Variants in PREP observed in about 807,000 individuals in gnomAD.
PREP encodes dJ355L5.1 (prolyl endopeptidase).
PREP carries 29 observed loss-of-function variants against 87.6 expected under a neutral mutation model. That is an observed-to-expected ratio of 0.33 (90% confidence interval 0.25 to 0.45). The LOEUF (loss-of-function observed/expected upper bound fraction) is 0.45, where lower values mean the gene tolerates loss of function less well. PREP is among the 20% of genes least tolerant of loss of function. The pLI, the probability that PREP is intolerant of heterozygous loss-of-function variation, is 1.00. For missense variants in PREP, 695 were observed against 886.5 expected (o/e 0.78, Z 2.74); for synonymous variants, 337 against 328.6 (o/e 1.03, Z -0.28).
intron 9 of PREP, among the ~76,000 whole-genome samples, chr6:105,324,879 G>A (rs1209039214): frequency 6.6e-6 from 1 of 152,200 alleles, no homozygotes; most frequent in Non-Finnish European, 1.5e-5. Context: ...CAATTCTCAT[G>A]ATTGCAGACA....
chr6:105,377,777 T>C (rs536004498), intron 2 of PREP, among the ~76,000 whole-genome samples: 2 of 152,298 alleles, frequency 1.3e-5, no homozygotes, highest in Admixed American at 6.5e-5. Flanking sequence ...TATTAACTTA[T>C]TTAGAACTCA....
intron 2 of PREP, among the ~76,000 whole-genome samples, chr6:105,394,767 C>G (rs1007924597): frequency 1.3e-5 from 2 of 152,116 alleles, no homozygotes; most frequent in Non-Finnish European, 2.9e-5. Context: ...AACAGCAAGA[C>G]CCTGTCTCTA....
chr6:105,342,206 C>T (rs888503307), intron 7 of PREP, among the ~76,000 whole-genome samples: 1 of 152,166 alleles, frequency 6.6e-6, no homozygotes, highest in East Asian at 1.9e-4. Flanking sequence ...GGGCTTCATC[C>T]CTGGGATGCA....
At chr6:105,395,721 A>G (rs1583108734) in intron 2 of PREP, among the ~76,000 whole-genome samples, 2 of 152,250 alleles carry the variant, frequency 1.3e-5, no homozygotes, top group Non-Finnish European at 2.9e-5. Flanking sequence ...AGCAAAGTAT[A>G]CATTCACTAA....
Position 105,296,693 on chromosome 6 carries a change from C to T in PREP, c.1318-7799G>A, listed in dbSNP as rs140030588. On this transcript the variant is annotated intron_variant, in intron 10 of 14. Coordinates refer to ENST00000652536, the MANE Select transcript of PREP (RefSeq NM_002726.5). Reference sequence around the variant, plus strand: ...TGAATGGTTCCTTTCCAGGTCTCATCCCTTTCAATCCCTATATGGCAACTG... The same window carrying T: ...TGAATGGTTCCTTTCCAGGTCTCATTCCTTTCAATCCCTATATGGCAACTG... 3.9e-5 allele frequency among the ~76,000 whole-genome samples: 6 copies of T among 152,292 alleles called. No individual in the cohort carries two copies. In the East Asian group the frequency reaches 1.2e-3, roughly 29 times the overall value.
chr6:105,377,110 A>G (rs1210784982), intron 3 of PREP, among the ~76,000 whole-genome samples: 3 of 152,218 alleles, frequency 2.0e-5, no homozygotes, highest in Non-Finnish European at 2.9e-5. Context: ...TCTATGAATC[A>G]TCCTATCTCA....
At chr6:105,344,158 T>C (rs967197043) in intron 7 of PREP, among the ~76,000 whole-genome samples, 15 of 152,212 alleles carry the variant, frequency 9.9e-5, no homozygotes, top group African/African-American at 3.1e-4. Context: ...TAAGAAAATC[T>C]GGCACATATA....
intron 10 of PREP, among the ~76,000 whole-genome samples, chr6:105,305,979 C>A (rs554279479): frequency 9.4e-4 from 143 of 152,020 alleles, no homozygotes; most frequent in Middle Eastern, 3.4e-3. Flanking sequence ...GTAGCTGAGA[C>A]TACAGGTATG....
chr6:105,318,548 A>G (rs565321473), intron 10 of PREP, among the ~76,000 whole-genome samples: 5 of 152,294 alleles, frequency 3.3e-5, no homozygotes, highest in Admixed American at 1.3e-4. Context: ...AAGTATGTAC[A>G]CTCTGAATAT....
intron 6 of PREP, among the ~76,000 whole-genome samples, chr6:105,359,475 C>T (rs1446473539): frequency 6.6e-6 from 1 of 152,184 alleles, no homozygotes; most frequent in Non-Finnish European, 1.5e-5. Flanking sequence ...TCAAAGGCTA[C>T]ACTGGTTTAT....
chr6:105,385,283 TA>T (rs11354337), intron 2 of PREP, among the ~76,000 whole-genome samples: 28,018 of 122,496 alleles, frequency 0.23, 3,063 homozygotes, highest in African/African-American at 0.45. Context: ...AGATCTGCTT[TA>T]AAAAAAAAAA....
chr6:105,346,000 T>G (rs1389882624), intron 7 of PREP, among the ~76,000 whole-genome samples: 1 of 152,144 alleles, frequency 6.6e-6, no homozygotes, highest in African/African-American at 2.4e-5. Context: ...ATTTTATCAC[T>G]AGTATTTTGT....
In PREP at chr6:105,368,989, A is replaced by G. The variant is rs1207275585; in HGVS notation, c.631T>C (p.Tyr211His). The G allele has an allele frequency of 1.2e-6, 2 of 1,613,878 alleles. No homozygotes were observed. The highest frequency in any genetic ancestry group is 1.7e-5 in the Admixed American group (1 of 60,010). Residue 211 changes from tyrosine to histidine, a missense_variant, in exon 6 of 15, where the codon TAC becomes CAC. Physicochemically the swap from Tyr to His is moderately conservative, Grantham distance 83 (BLOSUM62 2). Transcript: ENST00000652536. ...ETSTNLHQKL[Y>H]YHVLGTDQSE... ...TGATCGGTTCCCAAGACATGGTAGT[A>G]GAGCTTTTGGTGGAGATTGGTAGAT...
intron 7 of PREP, among the ~76,000 whole-genome samples, chr6:105,347,864 A>C (rs1443236055): frequency 6.6e-6 from 1 of 152,306 alleles, no homozygotes; most frequent in East Asian, 1.9e-4. Flanking sequence ...TATTTAAATA[A>C]AGTAAATAAA....
In PREP at chr6:105,275,802, G is replaced by C. The variant is rs545221514; in HGVS notation, c.*2342C>G. 5.1e-4 allele frequency among the ~76,000 whole-genome samples: 77 copies of C among 152,282 alleles called. No individual in the cohort carries two copies. Among genetic ancestry groups the C allele is most frequent in the Middle Eastern group, 6.8e-3 (2 of 292 alleles). On this transcript the variant is annotated 3_prime_UTR_variant, in exon 15 of 15. Transcript: ENST00000652536. The stretch of plus-strand genomic sequence containing the variant: ...TTGCAGCAACATGGATGGAACTGAA[G>C]GTCAATATGGTAAGTGAAATAAGCC...
Position 105,278,285 on chromosome 6 carries a change from C to T in PREP, c.1992G>A (p.Arg664=). ...ATLQYIVGRS[R]KQSNPLLIHV... is the part of the protein sequence containing the mutation. ...GGATAAGCAGGGGGTTGCTTTGCTT[C>T]CTGCTGCGGCCCACGATGTACTGAA... The change falls in exon 15 of 15, where the codon AGG becomes AGA. Residue 664 remains arginine (R), a synonymous_variant. Coordinates refer to ENST00000652536, the MANE Select transcript of PREP (RefSeq NM_002726.5). This position sits in a 1 kb window ranked among gnomAD's most constrained non-coding sequence, Gnocchi z 4.2. The T allele has an allele frequency of 1.2e-6, 2 of 1,614,184 alleles. No homozygotes were observed. The highest frequency in any genetic ancestry group is 1.7e-6 in the Non-Finnish European group (2 of 1,180,044).
chr6:105,282,285 C>A (rs922366764), intron 13 of PREP, among the ~76,000 whole-genome samples, 166 bp downstream of exon 13: 4 of 152,236 alleles, frequency 2.6e-5, no homozygotes, highest in Non-Finnish European at 2.9e-5. Context: ...CTTCGTATGT[C>A]ATTTATCAGA....
chr6:105,361,643 A>G (rs1233072151), intron 6 of PREP, among the ~76,000 whole-genome samples: 1 of 152,242 alleles, frequency 6.6e-6, no homozygotes, highest in Admixed American at 6.5e-5. Context: ...ATGGATTTTA[A>G]TAGCTTTGAG....
intron 10 of PREP, among the ~76,000 whole-genome samples, chr6:105,307,601 A>G (rs935706806): frequency 2.0e-5 from 3 of 152,144 alleles, no homozygotes. Context: ...TTGCTTAAGC[A>G]ATGTTTTCAC....
Sources: allele counts gnomAD v4.1 joint callset (sites outside exome capture counted in the v4.1 genomes callset), GRCh38; gene constraint gnomAD v4.1.1; non-coding constraint Gnocchi (gnomAD v3.1); transcripts MANE v1.5; gene names NCBI Gene and HGNC (gene_info 2026-07-23, HGNC 2026-07-21).